Variants in WDFY2 observed in about 807,000 individuals in gnomAD.
The protein encoded by WDFY2 is WD repeat and FYVE domain containing 2.
A neutral mutation model predicts 56.4 loss-of-function variants in WDFY2; 36 were observed. The ratio of observed to expected loss-of-function variants is 0.64; its 90% confidence interval spans 0.49 to 0.84. WDFY2 has a LOEUF of 0.84. WDFY2 is among the 40% of genes least tolerant of loss of function. The pLI is 0.00. For missense variants in WDFY2, 444 were observed against 512.2 expected, an observed-to-expected ratio of 0.87 and a Z score of 1.29; for synonymous variants, 176 against 183.7, an observed-to-expected ratio of 0.96 and a Z score of 0.34.
chr13:51,689,283 C>T (rs1185294204), intron 3 of WDFY2, among the ~76,000 whole-genome samples: 1 of 152,110 alleles, frequency 6.6e-6, no homozygotes, highest in Non-Finnish European at 1.5e-5. Flanking sequence ...ACAGGTAAAC[C>T]GTGAAGCATC....
chr13:51,670,906 G>C (rs180839800), intron 2 of WDFY2, among the ~76,000 whole-genome samples: 54 of 152,140 alleles, frequency 3.5e-4, no homozygotes, highest in African/African-American at 1.3e-3. Context: ...AAACTCCCTT[G>C]TATTATTCTT....
At chr13:51,703,737 CA>C (rs1952032152) in intron 4 of WDFY2, 87 bp downstream of exon 4, 1 of 1,135,522 alleles carries the variant, frequency 8.8e-7, no homozygotes, top group Non-Finnish European at 1.3e-6. Context: ...ACATACTTTA[CA>C]ATCATCAGGG....
At chr13:51,758,130 A>C in intron 10 of WDFY2, 62 bp from the exon 11 acceptor site, 3 of 1,322,870 alleles carry the variant, frequency 2.3e-6, no homozygotes, top group Admixed American at 1.8e-5. Flanking sequence ...ATGTCATCCT[A>C]GATCTCTCTC....
chr13:51,717,025 T>C (rs1471932597), intron 4 of WDFY2, among the ~76,000 whole-genome samples: 1 of 152,172 alleles, frequency 6.6e-6, no homozygotes, highest in Non-Finnish European at 1.5e-5. Flanking sequence ...GGGGAGCTTC[T>C]TCAATAAAGA....
chr13:51,740,942 T>C (rs894349196), intron 7 of WDFY2, among the ~76,000 whole-genome samples: 1 of 152,218 alleles, frequency 6.6e-6, no homozygotes, highest in East Asian at 1.9e-4. Flanking sequence ...ATGCACCAGA[T>C]GCTGAACTGC....
chr13:51,662,158 A>G (rs983318277), intron 2 of WDFY2, among the ~76,000 whole-genome samples: 10 of 152,074 alleles, frequency 6.6e-5, no homozygotes, highest in Admixed American at 5.9e-4. Flanking sequence ...TTTAGTAGAG[A>G]TGGGGTTTCA....
At chr13:51,701,026 G>T (rs372417659) in intron 3 of WDFY2, among the ~76,000 whole-genome samples, 1 of 152,172 alleles carries the variant, frequency 6.6e-6, no homozygotes, top group Non-Finnish European at 1.5e-5. Flanking sequence ...AAGTTGATGA[G>T]TATGTACTCA....
chr13:51,725,301 C>G (rs1009932213), intron 5 of WDFY2, among the ~76,000 whole-genome samples: 1 of 152,160 alleles, frequency 6.6e-6, no homozygotes, highest in African/African-American at 2.4e-5. Context: ...TCTCTTTGTC[C>G]TTAGAATATA....
At position 51,670,495 on chromosome 13, in the gene WDFY2, A is replaced by G. The variant is rs1445251426; in HGVS notation, c.206-4675A>G. On this transcript the variant is annotated intron_variant, in intron 2 of 11. Transcript: ENST00000298125. ...TCACCTACTGTGCGCACATGCACACACACACACACACACACACACACACAC... is the reference window on the plus strand; with the variant it reads ...TCACCTACTGTGCGCACATGCACACGCACACACACACACACACACACACAC... Among the ~76,000 whole-genome samples the G allele has an allele frequency of 6.2e-3, 744 of 120,924 alleles. 5 individuals are homozygous for G. Among genetic ancestry groups the G allele is most frequent in the African/African-American group, 0.025 (693 of 27,838 alleles). 79.3% of individuals were successfully genotyped at this position (120,924 alleles called of 152,430 possible).
intron 4 of WDFY2, among the ~76,000 whole-genome samples, 164 bp from the exon 5 acceptor site, chr13:51,719,034 C>T (rs539935879): frequency 5.9e-5 from 9 of 152,234 alleles, no homozygotes; most frequent in Non-Finnish European, 1.3e-4. Flanking sequence ...AGGGGAATAC[C>T]CCCAACCCCC....
chr13:51,672,172 TGGTTTCA>T (rs1955819631), intron 2 of WDFY2, among the ~76,000 whole-genome samples: 3 of 152,234 alleles, frequency 2.0e-5, no homozygotes, highest in Non-Finnish European at 4.4e-5. Context: ...AGAATTTTTA[TGGTTTCA>T]GGTTTTAAAT....
chr13:51,612,817 A>G (rs1475725911), intron 1 of WDFY2, among the ~76,000 whole-genome samples: 1 of 152,032 alleles, frequency 6.6e-6, no homozygotes, highest in Non-Finnish European at 1.5e-5. Context: ...CCTCCCCCTT[A>G]CAGGTAGAGG....
chr13:51,752,098 G>A (rs1470486889), intron 8 of WDFY2, among the ~76,000 whole-genome samples: 1 of 152,112 alleles, frequency 6.6e-6, no homozygotes, highest in Non-Finnish European at 1.5e-5. Context: ...ATTTCTTGCA[G>A]GATACAAAAA....
chr13:51,744,982 T>C (rs1446460382), intron 7 of WDFY2, among the ~76,000 whole-genome samples: 1 of 152,242 alleles, frequency 6.6e-6, no homozygotes, highest in Non-Finnish European at 1.5e-5. Context: ...TGTTTCACTC[T>C]TCTATGTTGG....
chr13:51,591,541 A>G (rs1954043626), intron 1 of WDFY2: 1 of 152,210 alleles, frequency 6.6e-6, no homozygotes, highest in Admixed American at 6.5e-5. Context: ...TTGCTACGCA[A>G]GACTGACATA....
chr13:51,612,202 A>G (rs1954516696), intron 1 of WDFY2, among the ~76,000 whole-genome samples: 1 of 152,146 alleles, frequency 6.6e-6, no homozygotes, highest in Non-Finnish European at 1.5e-5. Flanking sequence ...GAATTAAGAC[A>G]CATACTGATT....
At chr13:51,718,455 T>C (rs908048024) in intron 4 of WDFY2, among the ~76,000 whole-genome samples, 3 of 152,182 alleles carry the variant, frequency 2.0e-5, no homozygotes, top group African/African-American at 7.2e-5. Context: ...GGTTAACTGA[T>C]ATGAATAGCC....
At chr13:51,602,804 AG>A (rs1382399667) in intron 1 of WDFY2, among the ~76,000 whole-genome samples, 1 of 152,238 alleles carries the variant, frequency 6.6e-6, no homozygotes, top group African/African-American at 2.4e-5. Context: ...GCCTTTGGTT[AG>A]GGGAAATCCT....
In WDFY2 at chr13:51,751,377, G is replaced by A. The variant is rs1299717269; in HGVS notation, c.793G>A (p.Gly265Arg). 1.9e-6 allele frequency: 3 copies of A among 1,614,112 alleles called. No homozygotes were observed. The African/African-American group carries it at 4.0e-5, about 22-fold the overall frequency. The change falls in exon 8 of 12, where the codon GGG becomes AGG. Residue 265 changes from glycine to arginine, a missense_variant. Coordinates refer to ENST00000298125, the MANE Select transcript of WDFY2 (RefSeq NM_052950.4). ...ATTGATCTCCTGTGGCGGTGATGGT[G>A]GGATTGTCGTCTGGAACATGGACGT... is the stretch of plus-strand genomic sequence containing the variant. ...RQLISCGGDG[G>R]IVVWNMDVER... is the part of the protein sequence containing the mutation.
Sources: gnomAD v4.1 joint callset for allele counts (sites outside exome capture counted in the v4.1 genomes callset) on GRCh38, gnomAD v4.1.1 for gene constraint, MANE v1.5 for transcripts, NCBI Gene and HGNC (gene_info 2026-07-23, HGNC 2026-07-21) for gene names.